Variants in SYBU observed in about 807,000 individuals in gnomAD.
SYBU encodes syntabulin, also known as GOLSYN A protein.
In SYBU, 21 loss-of-function variants were observed where a neutral mutation model predicts 35.9. The observed-to-expected ratio is 0.58, with a 90% CI of 0.41 to 0.84. SYBU has a LOEUF of 0.84. SYBU is among the 40% of genes least tolerant of loss of function. The pLI, the probability that SYBU is intolerant of heterozygous loss-of-function variation, is 0.00. For missense variants in SYBU, 768 were observed against 848.2 expected, an observed-to-expected ratio of 0.91 and a Z score of 1.17; for synonymous variants, 319 against 324.3, an observed-to-expected ratio of 0.98 and a Z score of 0.18.
chr8:109,577,481 C>T (rs1345221857), intron 6 of SYBU, among the ~76,000 whole-genome samples: 3 of 151,940 alleles, frequency 2.0e-5, no homozygotes, highest in Non-Finnish European at 4.4e-5. Context: ...GATATAAACA[C>T]GGCTTAATTG....
intron 3 of SYBU, among the ~76,000 whole-genome samples, chr8:109,593,322 C>A (rs1824500252): frequency 6.6e-6 from 1 of 152,066 alleles, no homozygotes; most frequent in South Asian, 2.1e-4. Flanking sequence ...GACAGGCCAG[C>A]AAAAGGAAGA....
chr8:109,634,069 T>C (rs1340394650), intron 2 of SYBU, among the ~76,000 whole-genome samples: 5 of 152,162 alleles, frequency 3.3e-5, no homozygotes, highest in Admixed American at 3.3e-4. Context: ...AGGCTGCTCG[T>C]TTTTATGATG....
intron 2 of SYBU, among the ~76,000 whole-genome samples, chr8:109,622,710 C>T (rs1489882319): frequency 6.6e-6 from 1 of 152,166 alleles, no homozygotes; most frequent in Non-Finnish European, 1.5e-5. Context: ...TGCTACCTGA[C>T]TGCTGAATTT....
At chr8:109,666,293 C>T (rs1816749082) in intron 1 of SYBU, among the ~76,000 whole-genome samples, 1 of 152,170 alleles carries the variant, frequency 6.6e-6, no homozygotes, top group Non-Finnish European at 1.5e-5. Context: ...CTGGATAATT[C>T]TTGTGGTAGG....
chr8:109,624,234 CA>C (rs1456885069), intron 2 of SYBU, among the ~76,000 whole-genome samples: 1 of 152,146 alleles, frequency 6.6e-6, no homozygotes, highest in African/African-American at 2.4e-5. Context: ...CTTTCACCCC[CA>C]AAATGCCCAA....
At chr8:109,668,941 C>T (rs1816865671) in intron 1 of SYBU, among the ~76,000 whole-genome samples, 1 of 152,148 alleles carries the variant, frequency 6.6e-6, no homozygotes, top group South Asian at 2.1e-4. Flanking sequence ...GAAATTCATT[C>T]ACATGTCAAA....
chr8:109,668,165 G>GGAGAGAGAGAGAGAGAGAGA lies in SYBU; in HGVS notation c.-129+12526_-129+12545dup, dbSNP rs60330422. On this transcript the variant is annotated intron_variant, in intron 1 of 5. Transcript: ENST00000408889. ...GAAGAAGAGGCAGAGGGGGAGAGGGGGAGAGAGAGAGAGAGAGAGAGAGAG... is the reference window on the plus strand; with the variant it reads ...GAAGAAGAGGCAGAGGGGGAGAGGGGGAGAGAGAGAGAGAGAGAGAGAGAGAGAGAGAGAGAGAGAGAGAG... 3.5e-4 allele frequency among the ~76,000 whole-genome samples: 31 copies of GGAGAGAGAGAGAGAGAGAGA among 89,034 alleles called. 1 individual carries two copies. Among genetic ancestry groups the GGAGAGAGAGAGAGAGAGAGA allele is most frequent in the African/African-American group, 4.4e-4 (9 of 20,556 alleles). 58.4% of individuals were successfully genotyped at this position (89,034 alleles called of 152,430 possible). A position where few individuals can be genotyped will look rare whatever the true frequency, so the allele number is the denominator to read the frequency against.
intron 1 of SYBU, among the ~76,000 whole-genome samples, chr8:109,670,635 G>C (rs1816946278): frequency 6.6e-6 from 1 of 151,874 alleles, no homozygotes; most frequent in South Asian, 2.1e-4. Flanking sequence ...AGATATAAAT[G>C]GTCATTCACT....
At position 109,625,432 on chromosome 8, in the gene SYBU, G is replaced by A. The variant is rs76191630; in HGVS notation, c.230-6393C>T. On this transcript the variant is annotated intron_variant, in intron 2 of 6. Transcript: ENST00000276646. ...TAAACATCACTTTTAAAATGTGTTT[G>A]TTTATTTTCAGACAGAGTCTCGCTC... 7.1e-3 allele frequency among the ~76,000 whole-genome samples: 1,075 copies of A among 152,178 alleles called. 6 individuals are homozygous for A. The highest frequency in any genetic ancestry group is 0.012 in the Non-Finnish European group (821 of 67,972).
intron 1 of SYBU, among the ~76,000 whole-genome samples, chr8:109,690,298 G>A (rs955994559): frequency 6.6e-6 from 1 of 152,188 alleles, no homozygotes. Flanking sequence ...AGAAAACTTG[G>A]CATAGAGAAT....
At chr8:109,658,883 G>T (rs548643084) in intron 1 of SYBU, among the ~76,000 whole-genome samples, 1 of 152,228 alleles carries the variant, frequency 6.6e-6, no homozygotes, top group South Asian at 2.1e-4. Context: ...GAACCGGAAA[G>T]GCGGAGGTTG....
intron 1 of SYBU, among the ~76,000 whole-genome samples, chr8:109,687,417 A>G (rs548169789): frequency 2.0e-5 from 3 of 152,302 alleles, no homozygotes; most frequent in South Asian, 4.2e-4. Context: ...ATCTCATACA[A>G]ATAGAATTAT....
chr8:109,621,084 A>T (rs1812352770), intron 2 of SYBU, among the ~76,000 whole-genome samples: 1 of 152,220 alleles, frequency 6.6e-6, no homozygotes, highest in African/African-American at 2.4e-5. Context: ...CACAAAATAA[A>T]AATCTGTGCT....
intron 1 of SYBU, among the ~76,000 whole-genome samples, chr8:109,687,040 T>C (rs1292601194): frequency 1.3e-5 from 2 of 152,116 alleles, no homozygotes; most frequent in African/African-American, 4.8e-5. Flanking sequence ...AACGGAAAAA[T>C]CTAAGGTTCT....
chr8:109,624,900 A>C (rs1812816014), intron 2 of SYBU, among the ~76,000 whole-genome samples: 1 of 152,218 alleles, frequency 6.6e-6, no homozygotes, highest in Non-Finnish European at 1.5e-5. Context: ...CTACAATGGC[A>C]GAGAGTTGAG....
upstream of SYBU, chr8:109,646,881 T>G (rs1370474892): frequency 6.6e-6 from 1 of 152,206 alleles, no homozygotes; most frequent in Non-Finnish European, 1.5e-5. Flanking sequence ...TGAATCTGAT[T>G]ACTTCTGTCC....
Position 109,574,977 on chromosome 8 carries a change from C to A in SYBU, c.1921G>T (p.Ala641Ser), listed in dbSNP as rs767436205. The change falls in exon 7 of 7, where the codon GCC becomes TCC. Residue 641 changes from alanine (A) to serine (S), a missense_variant. Transcript: ENST00000276646. Reference sequence around the variant, plus strand: ...ACCACGCAACAGCCCCTGAGCAAGGCCCCGATGTTATACACAGGATCCGTT... The same window carrying A: ...ACCACGCAACAGCCCCTGAGCAAGGACCCGATGTTATACACAGGATCCGTT... ...GGTDPVYNIG[A>S]LLRGCCVVAL... The A allele has an allele frequency of 1.3e-6, 2 of 1,539,812 alleles. No individual in the cohort carries two copies. Among genetic ancestry groups the A allele is most frequent in the Middle Eastern group, 1.8e-4 (1 of 5,680 alleles).
chr8:109,591,905 G>A (rs1377608418), intron 3 of SYBU, among the ~76,000 whole-genome samples: 1 of 151,950 alleles, frequency 6.6e-6, no homozygotes, highest in Non-Finnish European at 1.5e-5. Flanking sequence ...AGACACCTGG[G>A]TTTGAATCTT....
At chr8:109,668,165 G>GGAGAGGGA (rs1554628120) in intron 1 of SYBU, among the ~76,000 whole-genome samples, 2 of 88,990 alleles carry the variant, frequency 2.2e-5, no homozygotes, top group Non-Finnish European at 4.0e-5. Context: ...GGGGAGAGGG[G>GGAGAGGGA]GAGAGAGAGA....
Sources: gnomAD v4.1 joint callset for allele counts (sites outside exome capture counted in the v4.1 genomes callset) on GRCh38, gnomAD v4.1.1 for gene constraint, MANE v1.5 for transcripts, NCBI Gene and HGNC (gene_info 2026-07-23, HGNC 2026-07-21) for gene names.